Variants in ARHGEF2 observed in about 807,000 individuals in gnomAD.
The protein encoded by ARHGEF2 is Rho/Rac guanine nucleotide exchange factor 2, also known as rho guanine nucleotide exchange factor 2.
Under a neutral mutation model 121.0 loss-of-function variants are expected in ARHGEF2, and 22 were observed. The ratio of observed to expected loss-of-function variants is 0.18; its 90% CI spans 0.13 to 0.26. The LOEUF (loss-of-function observed/expected upper bound fraction) is 0.26. Among genes scored for constraint, ARHGEF2 ranks in the 10% least tolerant of loss-of-function variants. The pLI, the probability that ARHGEF2 is intolerant of heterozygous loss-of-function variation, is 1.00. For synonymous variants in ARHGEF2, 487 were observed against 530.0 expected (o/e 0.92, Z 1.11); for missense variants, 907 against 1,336.0 (o/e 0.68, Z 5.01).
At chr1:155,954,758 A>G in intron 14 of ARHGEF2, 144 bp downstream of exon 14, 1 of 726,258 alleles carries the variant, frequency 1.4e-6, no homozygotes, top group Non-Finnish European at 2.2e-6. Context: ...ATTGTTTTAA[A>G]CCTTGCTTTT....
At chr1:155,954,127 A>T (rs1481223102) in intron 14 of ARHGEF2, among the ~76,000 whole-genome samples, 12 of 144,652 alleles carry the variant, frequency 8.3e-5, no homozygotes, top group Admixed American at 3.4e-4. Context: ...ATGCCTAGCT[A>T]TTTTTTTTTT....
Position 155,966,898 on chromosome 1 carries a change from G to A in ARHGEF2, c.209-11C>T, listed in dbSNP as rs1457066426. On this transcript the variant is annotated splice_polypyrimidine_tract_variant and intron_variant, in intron 2 of 21. Transcript: ENST00000361247. ...TAGTCACATTGCAGGCTGGGAGGGT[G>A]GGGTAGAGAGGGTGAAGGGAGGGCC... The A allele has an allele frequency of 6.2e-7, 1 of 1,613,334 alleles. No individual in the cohort carries two copies. The highest frequency in any genetic ancestry group is 1.7e-5 in the Admixed American group (1 of 59,988).
chr1:155,950,310 T>C lies in ARHGEF2; in HGVS notation c.2876A>G (p.His959Arg), dbSNP rs1302035805. The change falls in exon 21 of 22, where the codon CAC becomes CGC. Residue 959 changes from histidine (H) to arginine (R), a missense_variant. By Grantham distance (29) the His-to-Arg change is conservative (BLOSUM62 0). Around this residue, in one of 2 missense-constraint regions of ARHGEF2, gnomAD observed 432 missense variants for 559.5 expected, o/e 0.77. Transcript: ENST00000361247. This position sits in a 1 kb window ranked among gnomAD's most constrained non-coding sequence, Gnocchi z 5.2. ...EEGSSRLSPP[H>R]SPRDFTRMQD... is the part of the protein sequence containing the mutation. Reference sequence around the variant, plus strand: ...CGCCAGGGTCTCACCTCGTGGACTGTGGGGCGGAGACAGACGGCTGCTACC... The same window carrying C: ...CGCCAGGGTCTCACCTCGTGGACTGCGGGGCGGAGACAGACGGCTGCTACC... The C allele has an allele frequency of 6.2e-7, 1 of 1,612,822 alleles. No individual in the cohort carries two copies. The highest frequency in any genetic ancestry group is 1.8e-4 in the Middle Eastern group (1 of 5,684).
intron 1 of ARHGEF2, among the ~76,000 whole-genome samples, chr1:155,976,798 C>T (rs995416969): frequency 6.6e-5 from 10 of 151,862 alleles, no homozygotes; most frequent in East Asian, 5.8e-4. Context: ...CCTGGGCTGG[C>T]GCAGGCTGTG....
rs747307265 is a variant in ARHGEF2 at position 155,961,714 on chromosome 1, T to C, written c.1415A>G (p.Lys472Arg). The C allele has an allele frequency of 1.9e-6, 3 of 1,614,122 alleles. No homozygotes were observed. The highest frequency in any genetic ancestry group is 2.5e-6 in the Non-Finnish European group (3 of 1,180,024). ...GAGCAGGCAGCCATCGTGGATGAGTTTGCGCCTCAGAAGTTCCTCTCGGCC... is the reference window on the plus strand; with the variant it reads ...GAGCAGGCAGCCATCGTGGATGAGTCTGCGCCTCAGAAGTTCCTCTCGGCC... ...PFGREELLRR[K>R]LIHDGCLLWK... The change falls in exon 11 of 22, where the codon AAA (lysine) becomes AGA (arginine). Residue 472 changes from lysine to arginine, a missense_variant. Physicochemically the swap from Lys to Arg is conservative, Grantham distance 26 (BLOSUM62 2). Transcript: ENST00000361247. This position sits in a 1 kb window ranked among gnomAD's most constrained non-coding sequence, Gnocchi z 4.7.
At position 155,952,744 on chromosome 1, in the gene ARHGEF2, G is replaced by C; in HGVS notation, c.1868C>G (p.Ala623Gly). The C allele has an allele frequency of 6.2e-7, 1 of 1,614,202 alleles. No individual in the cohort carries two copies. Among genetic ancestry groups the C allele is most frequent in the Non-Finnish European group, 8.5e-7 (1 of 1,180,044 alleles). Residue 623 changes from alanine to glycine, a missense_variant, in exon 15 of 22, where the codon GCC (alanine) becomes GGC (glycine). Physicochemically the swap from Ala to Gly is moderately conservative, Grantham distance 60. This residue lies in a region of ARHGEF2 where 432 missense variants were observed against 559.5 expected (regional missense o/e 0.77). Transcript: ENST00000361247. ...CATCCCACTGCCACCATCCTCTTCG[G>C]CCTGGAAATGGGTCATCTCAGCAAA... ...GLFAEMTHFQAEEDGGSGMAL... is the reference protein window; with the variant it reads ...GLFAEMTHFQGEEDGGSGMAL...
intron 1 of ARHGEF2, chr1:155,970,016 G>A: frequency 2.0e-6 from 2 of 985,294 alleles, no homozygotes; most frequent in Non-Finnish European, 2.4e-6. Flanking sequence ...TTCCACTCTG[G>A]GATCTTTAAG....
chr1:155,951,928 A>G lies in ARHGEF2; in HGVS notation c.2163T>C (p.Ser721=), dbSNP rs139290358. 1.1e-5 allele frequency: 18 copies of G among 1,613,972 alleles called. No individual in the cohort carries two copies. The South Asian group carries it at 1.5e-4, about 14-fold the overall frequency. The change falls in exon 17 of 22, where the codon TCT becomes TCC. Residue 721 remains serine (S), a synonymous_variant. Transcript: ENST00000361247. This position sits in a 1 kb window ranked among gnomAD's most constrained non-coding sequence, Gnocchi z 5.1. ...CCTCTTGAGGACCTACCCTCTGGCTAGAGTCTGAGTCAGCTCTGCAGAGTT... is the reference window on the plus strand; with the variant it reads ...CCTCTTGAGGACCTACCCTCTGGCTGGAGTCTGAGTCAGCTCTGCAGAGTT... The part of the protein sequence containing the change: ...SIELCRADSD[S]SQRDRNGNQL...
At chr1:155,957,913 C>T in intron 12 of ARHGEF2, 31 bp from the exon 13 acceptor site, 1 of 1,603,438 alleles carries the variant, frequency 6.2e-7, no homozygotes, top group Non-Finnish European at 8.5e-7. Flanking sequence ...AGGATTAAGC[C>T]TGGGAATCCT....
At position 155,951,342 on chromosome 1, in the gene ARHGEF2, C is replaced by T; in HGVS notation, c.2260-70G>A. ...CTCTTCTACCCCTCGCCTTCACCCT[C>T]CAAGGCCCAGATCATCGCTCCTGGA... On this transcript the variant is annotated intron_variant, in intron 19 of 21. Transcript: ENST00000361247. The surrounding 1 kb of genome is among the most constrained non-coding windows in gnomAD (Gnocchi z 5.1). 1 of 1,565,062 alleles carries T rather than the reference C, an allele frequency of 6.4e-7. No homozygotes were observed. Among genetic ancestry groups the T allele is most frequent in the Admixed American group, 1.8e-5 (1 of 56,408 alleles).
chr1:155,950,615 C>A lies in ARHGEF2; in HGVS notation c.2704-133G>T. On this transcript the variant is annotated intron_variant, in intron 20 of 21. Coordinates refer to ENST00000361247, the MANE Select transcript of ARHGEF2 (RefSeq NM_001162383.2). The surrounding 1 kb of genome is among the most constrained non-coding windows in gnomAD (Gnocchi z 5.2). ...GAGTCCCCTTCAGGAGATCCACCAC[C>A]AACTGGCCTCTTTCAGCACCACGAC... 1 of 1,032,226 alleles carries A rather than the reference C, an allele frequency of 9.7e-7. No homozygotes were observed. Among genetic ancestry groups the A allele is most frequent in the Non-Finnish European group, 1.4e-6 (1 of 703,238 alleles). 63.9% of individuals were successfully genotyped at this position (1,032,226 alleles called of 1,614,324 possible).
chr1:155,978,493 C>A lies in ARHGEF2; in HGVS notation c.-66G>T. The A allele has an allele frequency of 7.4e-7, 1 of 1,343,260 alleles. No homozygotes were observed. Among genetic ancestry groups the A allele is most frequent in the Non-Finnish European group, 9.7e-7 (1 of 1,030,712 alleles). The allele number at this position is 1,343,260 out of a possible 1,614,324, so 83.2% of individuals were successfully genotyped here. A position where few individuals can be genotyped will look rare whatever the true frequency, so the allele number is the denominator to read the frequency against. ...GGCGTCCTGTATTGTTGGGGGAAGG[C>A]GGGGGGAGGGGTTCGGCCCGCACGC... On this transcript the variant is annotated 5_prime_UTR_variant, in exon 1 of 22. Coordinates refer to ENST00000361247, the MANE Select transcript of ARHGEF2 (RefSeq NM_001162383.2). This position sits in a 1 kb window ranked among gnomAD's most constrained non-coding sequence, Gnocchi z 4.1.
intron 13 of ARHGEF2, among the ~76,000 whole-genome samples, chr1:155,955,441 T>G (rs1193651516): frequency 2.0e-5 from 3 of 152,068 alleles, no homozygotes; most frequent in Non-Finnish European, 4.4e-5. Flanking sequence ...TTCTTAGCAC[T>G]GATTATCTGC....
Position 155,961,921 on chromosome 1 carries a change from G to A in ARHGEF2, c.1220-12C>T, listed in dbSNP as rs1189026964. Reference sequence around the variant, plus strand: ...CTCCTCCTCGATCCCTGGCACCGGGGGTTGGCATGGGGAACGGCTCAACCA... The same window carrying A: ...CTCCTCCTCGATCCCTGGCACCGGGAGTTGGCATGGGGAACGGCTCAACCA... On this transcript the variant is annotated splice_polypyrimidine_tract_variant and intron_variant, in intron 10 of 21. Coordinates refer to ENST00000361247, the MANE Select transcript of ARHGEF2 (RefSeq NM_001162383.2). The surrounding 1 kb of genome is among the most constrained non-coding windows in gnomAD (Gnocchi z 4.7). The A allele has an allele frequency of 4.3e-6, 7 of 1,613,440 alleles. No individual in the cohort carries two copies. In the East Asian group the frequency reaches 1.3e-4, roughly 31 times the overall value.
chr1:155,952,307 A>C, intron 15 of ARHGEF2, 72 bp from the exon 16 acceptor site: 1 of 1,589,054 alleles, frequency 6.3e-7, no homozygotes, highest in Non-Finnish European at 8.6e-7. Flanking sequence ...TCACCCCCAC[A>C]TGTGGGACAC....
chr1:155,963,721 G>C (rs911501042), intron 7 of ARHGEF2, among the ~76,000 whole-genome samples: 3 of 151,616 alleles, frequency 2.0e-5, no homozygotes, highest in African/African-American at 7.3e-5. Context: ...GCCCAGGCTG[G>C]AGTGTAGTGG....
chr1:155,970,423 C>T (rs1558046042), intron 1 of ARHGEF2: 13 of 985,374 alleles, frequency 1.3e-5, no homozygotes, highest in African/African-American at 1.7e-5. Flanking sequence ...ATTCTAGGAC[C>T]TTCCTTAGTT....
At chr1:155,975,563 C>G (rs1055812929) in intron 1 of ARHGEF2, among the ~76,000 whole-genome samples, 1 of 152,068 alleles carries the variant, frequency 6.6e-6, no homozygotes, top group Non-Finnish European at 1.5e-5. Flanking sequence ...CCAGGAGGAC[C>G]CCCCATTCTT....
intron 13 of ARHGEF2, 76 bp downstream of exon 13, chr1:155,957,637 G>A: frequency 6.8e-7 from 1 of 1,471,278 alleles, no homozygotes; most frequent in Non-Finnish European, 9.1e-7. Flanking sequence ...TGTTCCCAGG[G>A]AGTTCTATGG....
Sources: gnomAD v4.1 joint callset for allele counts (sites outside exome capture counted in the v4.1 genomes callset) on GRCh38, gnomAD v4.1.1 for gene constraint, gnomAD v4.1.1 regional missense constraint, Gnocchi (gnomAD v3.1) non-coding constraint, MANE v1.5 for transcripts, NCBI Gene and HGNC (gene_info 2026-07-23, HGNC 2026-07-21) for gene names.